Variants in LSG1 observed in about 807,000 individuals in gnomAD.
The protein encoded by LSG1 is large 60S subunit nuclear export GTPase 1.
LSG1 carries 55 observed loss-of-function variants against 82.6 expected under a neutral mutation model. The observed-to-expected ratio is 0.67, with a 90% CI of 0.54 to 0.83. LSG1 has a LOEUF of 0.83. LSG1 is among the 40% of genes least tolerant of loss of function. LSG1 has a pLI of 0.00. For synonymous variants in LSG1, 272 were observed against 282.5 expected, an observed-to-expected ratio of 0.96 and a Z score of 0.37; for missense variants, 809 against 807.9, an observed-to-expected ratio of 1.00 and a Z score of -0.02.
intron 12 of LSG1, chr3:194,645,543 C>CACACACACACACACAG (rs1718518120): frequency 2.2e-5 from 1 of 45,314 alleles, no homozygotes. Context: ...CAGACACACA[C>CACACACACACACACAG]ACACACACAC....
chr3:194,662,635 G>A (rs1718956549), intron 5 of LSG1, among the ~76,000 whole-genome samples: 1 of 152,182 alleles, frequency 6.6e-6, no homozygotes, highest in Non-Finnish European at 1.5e-5. Context: ...GGTGGCGCGT[G>A]CCTGTAATCC....
chr3:194,669,386 C>T (rs957944683), intron 2 of LSG1, among the ~76,000 whole-genome samples: 3 of 152,120 alleles, frequency 2.0e-5, no homozygotes, highest in Admixed American at 1.3e-4. Flanking sequence ...AAACACTAAA[C>T]AATGAAATCT....
rs968514694 is a variant in LSG1, at chr3:194,659,967, G to A, written c.582+106C>T. The stretch of plus-strand genomic sequence containing the variant: ...GGAAGGAGGGAAGGCCTCACTAAAC[G>A]AAGCCAGAGAGGGCAGAATGTATGC... On this transcript the variant is annotated intron_variant, in intron 6 of 13. Coordinates refer to ENST00000265245, the MANE Select transcript of LSG1 (RefSeq NM_018385.3). 3 of 966,740 alleles carry A rather than the reference G, an allele frequency of 3.1e-6. No individual in the cohort carries two copies. In the African/African-American group the frequency reaches 4.8e-5, roughly 16 times the overall value. 59.9% of individuals were successfully genotyped at this position (966,740 alleles called of 1,614,324 possible). A position where few individuals can be genotyped will look rare whatever the true frequency, so the allele number is the denominator to read the frequency against.
chr3:194,660,865 TG>T (rs1160791877), intron 5 of LSG1: 1 of 456,516 alleles, frequency 2.2e-6, no homozygotes, highest in East Asian at 7.0e-5. Context: ...ACAAATATAG[TG>T]GGGACTACAG....
At chr3:194,642,896 T>C (rs1718428873) in intron 13 of LSG1, among the ~76,000 whole-genome samples, 1 of 152,232 alleles carries the variant, frequency 6.6e-6, no homozygotes, top group Non-Finnish European at 1.5e-5. Context: ...CTAAGTTTTA[T>C]CCCAGCTTTG....
intron 6 of LSG1, 117 bp downstream of exon 6, chr3:194,659,956 C>A: frequency 3.7e-6 from 3 of 805,924 alleles, no homozygotes; most frequent in Non-Finnish European, 6.3e-6. Flanking sequence ...GGAGGGAAGG[C>A]CTCACTAAAC....
At chr3:194,670,608 A>G (rs1329794924) in intron 1 of LSG1, among the ~76,000 whole-genome samples, 1 of 152,198 alleles carries the variant, frequency 6.6e-6, no homozygotes, top group Non-Finnish European at 1.5e-5. Flanking sequence ...TAAAATGGCA[A>G]TAGAAGAATA....
At chr3:194,661,535 T>C (rs879806062) in intron 5 of LSG1, among the ~76,000 whole-genome samples, 6 of 152,250 alleles carry the variant, frequency 3.9e-5, no homozygotes, top group Non-Finnish European at 8.8e-5. Flanking sequence ...CTTATCTGAC[T>C]GGAAGACAGT....
intron 5 of LSG1, among the ~76,000 whole-genome samples, chr3:194,663,893 G>A (rs1302272830): frequency 1.3e-5 from 2 of 152,192 alleles, no homozygotes; most frequent in African/African-American, 2.4e-5. Flanking sequence ...CCCGTAGAGA[G>A]CTGAGGATGG....
chr3:194,653,002 C>T lies in LSG1; in HGVS notation c.900G>A (p.Thr300=), dbSNP rs372971790. The change falls in exon 8 of 14, where the codon ACG becomes ACA. Residue 300 remains threonine (T), a synonymous_variant. Transcript: ENST00000265245. ...DSPSLSENPT[T]DEDDSEYEDC... ...CCTCATACTCACTGTCATCTTCATC[C>T]GTTGTGGGATTTTCACTAAGTGAAG... 5.6e-6 allele frequency: 9 copies of T among 1,614,058 alleles called. No individual in the cohort carries two copies. Among genetic ancestry groups the T allele is most frequent in the African/African-American group, 1.3e-5 (1 of 74,908 alleles).
rs1191673776 is a variant in LSG1 at position 194,644,026 on chromosome 3, G to GT, written c.1797+546_1797+547insA. Among the ~76,000 whole-genome samples, 3 of 152,200 alleles carry GT rather than the reference G, an allele frequency of 2.0e-5. No homozygotes were observed. The East Asian group carries it at 5.8e-4, about 29-fold the overall frequency. ...GTTCATAAAGATTGATTATTGGTTGGCAGGGGCTGGGGGAAAAAAGGGGAC... is the reference window on the plus strand; with the variant it reads ...GTTCATAAAGATTGATTATTGGTTGGTCAGGGGCTGGGGGAAAAAAGGGGAC... On this transcript the variant is annotated intron_variant, in intron 13 of 13. Transcript: ENST00000265245.
At position 194,642,029 on chromosome 3, in the gene LSG1, T is replaced by C. The variant is rs1469173790; in HGVS notation, c.*39A>G. The C allele has an allele frequency of 2.5e-6, 4 of 1,600,392 alleles. No individual in the cohort carries two copies. The highest frequency in any genetic ancestry group is 3.4e-6 in the Non-Finnish European group (4 of 1,173,306). On this transcript the variant is annotated 3_prime_UTR_variant, in exon 14 of 14. Transcript: ENST00000265245. ...AACAGGCAGCTTCTGCTCTTTTCCA[T>C]CTGCACAATGCAGATGACATTTCTG...
intron 7 of LSG1, among the ~76,000 whole-genome samples, 180 bp from the exon 8 acceptor site, chr3:194,653,322 C>G (rs1718719233): frequency 6.6e-6 from 1 of 151,974 alleles, no homozygotes; most frequent in Non-Finnish European, 1.5e-5. Flanking sequence ...TGAGACCACG[C>G]TGACCAACAT....
At chr3:194,669,740 T>C (rs1408276721) in intron 2 of LSG1, among the ~76,000 whole-genome samples, 1 of 152,164 alleles carries the variant, frequency 6.6e-6, no homozygotes, top group East Asian at 1.9e-4. Flanking sequence ...AAGAACATCC[T>C]GGCCAACATG....
chr3:194,647,931 T>G (rs1299708533), intron 11 of LSG1, among the ~76,000 whole-genome samples: 1 of 152,166 alleles, frequency 6.6e-6, no homozygotes, highest in Non-Finnish European at 1.5e-5. Context: ...AGTCTCTAAG[T>G]TCAAGGTTTA....
At chr3:194,651,381 G>A in intron 8 of LSG1, 165 bp from the exon 9 acceptor site, 1 of 609,998 alleles carries the variant, frequency 1.6e-6, no homozygotes, top group Non-Finnish European at 2.9e-6. Context: ...CTCCTGTGGT[G>A]TGGGTATATT....
intron 5 of LSG1, chr3:194,660,882 C>T (rs1053300653): frequency 3.7e-5 from 17 of 456,430 alleles, no homozygotes; most frequent in African/African-American, 1.8e-4. Flanking sequence ...TACAGGTGTC[C>T]AGCACTGCAA....
chr3:194,659,263 T>A (rs969400421), intron 6 of LSG1, 130 bp from the exon 7 acceptor site: 23 of 688,612 alleles, frequency 3.3e-5, no homozygotes, highest in Non-Finnish European at 5.7e-5. Flanking sequence ...TAAACATTTT[T>A]AATCATGACA....
At chr3:194,652,471 A>C (rs1057211041) in intron 8 of LSG1, among the ~76,000 whole-genome samples, 9 of 152,190 alleles carry the variant, frequency 5.9e-5, no homozygotes, top group African/African-American at 2.2e-4. Context: ...ACGGCAGGAA[A>C]AGCTGAACTG....
Sources: allele counts gnomAD v4.1 joint callset (sites outside exome capture counted in the v4.1 genomes callset), GRCh38; gene constraint gnomAD v4.1.1; transcripts MANE v1.5; gene names NCBI Gene and HGNC (gene_info 2026-07-23, HGNC 2026-07-21).